Variants in CCDC187 observed in about 807,000 individuals in gnomAD.
CCDC187 encodes the protein coiled-coil domain-containing protein 187.
A neutral mutation model predicts 38.0 loss-of-function variants in CCDC187; 32 were observed. The ratio of observed to expected loss-of-function variants is 0.84; its 90% CI spans 0.64 to 1.13. The LOEUF (loss-of-function observed/expected upper bound fraction) is 1.13. Among genes scored for constraint, CCDC187 ranks in the 50% most tolerant of loss-of-function variants. The probability of loss-of-function intolerance (pLI) is 0.00; values close to 1 mark genes in which losing one functional copy is unlikely to be tolerated. For synonymous variants in CCDC187, 333 were observed against 347.9 expected, an observed-to-expected ratio of 0.96 and a Z score of 0.48; for missense variants, 707 against 786.8, an observed-to-expected ratio of 0.90 and a Z score of 1.21.
At chr9:136,261,475 T>G (rs1830678045) in intron 19 of CCDC187, among the ~76,000 whole-genome samples, 1 of 141,362 alleles carries the variant, frequency 7.1e-6, no homozygotes, top group Non-Finnish European at 1.6e-5. Context: ...CAACCATACA[T>G]GTACCGGCCC....
chr9:136,258,089 G>A lies in CCDC187; in HGVS notation c.4366+843C>T, dbSNP rs542486400. Among the ~76,000 whole-genome samples the A allele has an allele frequency of 6.6e-6, 1 of 152,294 alleles. No homozygotes were observed. The highest frequency in any genetic ancestry group is 2.4e-5 in the African/African-American group (1 of 41,546). ...AGGCTTCAGGCTGAGCAAGCTTCAC[G>A]GTGGCCGCAGAAGCCTGAACAGCGC... On this transcript the variant is annotated intron_variant, in intron 22 of 25. Transcript: ENST00000638797. This position sits in a 1 kb window ranked among gnomAD's most constrained non-coding sequence, Gnocchi z 4.3.
Position 136,260,256 on chromosome 9 carries a change from G to A in CCDC187, c.4073C>T (p.Thr1358Ile). The A allele has an allele frequency of 7.1e-6, 7 of 985,244 alleles. No homozygotes were observed. The highest frequency in any genetic ancestry group is 8.4e-6 in the Non-Finnish European group (7 of 830,052). 61.0% of individuals were successfully genotyped at this position (985,244 alleles called of 1,614,324 possible). A position where few individuals can be genotyped will look rare whatever the true frequency, so the allele number is the denominator to read the frequency against. The change falls in exon 20 of 26, where the codon ACT (threonine) becomes ATT (isoleucine). Residue 1358 changes from threonine (T) to isoleucine (I), a missense_variant. Physicochemically the swap from Thr to Ile is moderately conservative, Grantham distance 89. Coordinates refer to ENST00000638797, the MANE Select transcript of CCDC187 (RefSeq NM_001378188.1). ...PASSKATRPP[T>I]EQQDVTPPQT... ...GGGTGGCGTCACATCCTGCTGCTCAGTGGGAGGGCTGCACGGCCATGCAGA... is the reference window on the plus strand; with the variant it reads ...GGGTGGCGTCACATCCTGCTGCTCAATGGGAGGGCTGCACGGCCATGCAGA...
intron 9 of CCDC187, among the ~76,000 whole-genome samples, chr9:136,285,001 G>A (rs879053082): frequency 0.32 from 47,923 of 151,894 alleles, 7,942 homozygotes; most frequent in Non-Finnish European, 0.36. Flanking sequence ...GGGCTGAGAG[G>A]GGCCTGGGGG....
upstream of CCDC187, among the ~76,000 whole-genome samples, chr9:136,304,879 G>A (rs1317273089): frequency 6.6e-6 from 1 of 152,320 alleles, no homozygotes; most frequent in South Asian, 2.1e-4. Context: ...AGGGAGGTCT[G>A]CGCGAAAGAC....
In CCDC187 at chr9:136,303,101, C is replaced by T. The variant is rs1412932736; in HGVS notation, c.336G>A (p.Ser112=). Residue 112 remains serine (S), a synonymous_variant, in exon 2 of 26, where the codon TCG becomes TCA. Coordinates refer to ENST00000638797, the MANE Select transcript of CCDC187 (RefSeq NM_001378188.1). ...AGCACGAGAGGCGGCCCGATGACAC[C>T]GAGCTGTCCCCATCCCTAGCCTCCG... ...TGPEARDGDS[S]VSSGRLSCSS... 2.3e-5 allele frequency: 9 copies of T among 398,502 alleles called. No homozygotes were observed. Among genetic ancestry groups the T allele is most frequent in the Admixed American group, 8.8e-5 (2 of 22,720 alleles). The allele number at this position is 398,502 out of a possible 1,614,324, so 24.7% of individuals were successfully genotyped here. A position where few individuals can be genotyped will look rare whatever the true frequency, so the allele number is the denominator to read the frequency against.
rs1328791509 is a variant in CCDC187, at chr9:136,286,444, T to G, written c.2474A>C (p.Gln825Pro). 1 of 398,608 alleles carries G rather than the reference T, an allele frequency of 2.5e-6. No homozygotes were observed. The highest frequency in any genetic ancestry group is 2.1e-5 in the African/African-American group (1 of 48,648). 24.7% of individuals were successfully genotyped at this position (398,608 alleles called of 1,614,324 possible). The change falls in exon 8 of 26, where the codon CAG (glutamine) becomes CCG (proline). Residue 825 changes from glutamine (Q) to proline (P), a missense_variant. Physicochemically the swap from Gln to Pro is moderately conservative, Grantham distance 76. Coordinates refer to ENST00000638797, the MANE Select transcript of CCDC187 (RefSeq NM_001378188.1). ...GACTTTGGCTGTGGTCTCTAGCGCC[T>G]GCAGCTGCGCCTGCTTATGCCGGAG... ...LHLRHKQAQL[Q>P]ALETTAKVLK...
At chr9:136,274,157 G>C (rs1830887315) in intron 14 of CCDC187, among the ~76,000 whole-genome samples, 2 of 152,214 alleles carry the variant, frequency 1.3e-5, no homozygotes, top group South Asian at 4.1e-4. Context: ...GTTGTACCCA[G>C]GCTTCCAGGA....
intron 4 of CCDC187, among the ~76,000 whole-genome samples, chr9:136,295,348 CG>C (rs1472879433): frequency 6.6e-6 from 1 of 152,178 alleles, no homozygotes; most frequent in Non-Finnish European, 1.5e-5. Flanking sequence ...GGGTCCCGCT[CG>C]ATAAATGGGT....
At chr9:136,270,711 A>G (rs968921348) in intron 14 of CCDC187, among the ~76,000 whole-genome samples, 24 of 152,176 alleles carry the variant, frequency 1.6e-4, no homozygotes, top group African/African-American at 5.1e-4. Flanking sequence ...CAAGGAAAGG[A>G]GACTCCCTTT....
rs918565701 is a variant in CCDC187 at position 136,274,943 on chromosome 9, G to T, written c.3290C>A (p.Pro1097Gln). Residue 1097 changes from proline to glutamine, a missense_variant, in exon 13 of 26, where the codon CCG (proline) becomes CAG (glutamine). Transcript: ENST00000638797. ...PEEALKLEQP[P>Q]MCKDREPTTA... The stretch of plus-strand genomic sequence containing the variant: ...GGTCGGCTCTCGGTCCTTGCACATC[G>T]GAGGCTGCTCCAGCTTCAACGCCTC... 6.6e-6 allele frequency: 1 copy of T among 152,394 alleles called. No homozygotes were observed. Among genetic ancestry groups the T allele is most frequent in the South Asian group, 2.1e-4 (1 of 4,842 alleles). The allele number at this position is 152,394 out of a possible 1,614,324, so 9.4% of individuals were successfully genotyped here.
rs1385866262 is a variant in CCDC187 at position 136,255,107 on chromosome 9, G to A, written c.4721C>T (p.Ala1574Val). The change falls in exon 26 of 26, where the codon GCG becomes GTG. Residue 1574 changes from alanine to valine, a missense_variant. Transcript: ENST00000638797. ...PAAPVVPEEAAPPILHQGSPL... is the reference protein window; with the variant it reads ...PAAPVVPEEAVPPILHQGSPL... ...ACTGCCCTGGTGCAGGATTGGGGGC[G>A]CCGCCTCCTCAGGGACCACAGGAGC... 3.0e-6 allele frequency: 3 copies of A among 985,326 alleles called. No homozygotes were observed. Among genetic ancestry groups the A allele is most frequent in the Non-Finnish European group, 3.6e-6 (3 of 829,958 alleles). The allele number at this position is 985,326 out of a possible 1,614,324, so 61.0% of individuals were successfully genotyped here. A position where few individuals can be genotyped will look rare whatever the true frequency, so the allele number is the denominator to read the frequency against.
intron 14 of CCDC187, 156 bp from the exon 15 acceptor site, chr9:136,268,281 C>T (rs1191471974): frequency 8.7e-6 from 2 of 228,928 alleles, no homozygotes; most frequent in East Asian, 3.6e-4. Flanking sequence ...GCAGAATCCA[C>T]AAGACCACGC....
At position 136,278,850 on chromosome 9, in the gene CCDC187, T is replaced by C. The variant is rs1764059473; in HGVS notation, c.3041-2123A>G. Reference sequence around the variant, plus strand: ...CCACTCTTCAGTCACACTGGCCACATTTCATGGCTTGACAGCCACATGTGG... The same window carrying C: ...CCACTCTTCAGTCACACTGGCCACACTTCATGGCTTGACAGCCACATGTGG... On this transcript the variant is annotated intron_variant, in intron 10 of 25. Transcript: ENST00000638797. Among the ~76,000 whole-genome samples, 3 of 152,256 alleles carry C rather than the reference T, an allele frequency of 2.0e-5. No homozygotes were observed. The South Asian group carries it at 6.2e-4, about 31-fold the overall frequency.
intron 19 of CCDC187, 113 bp downstream of exon 19, chr9:136,262,198 C>A: frequency 5.6e-5 from 52 of 936,436 alleles, no homozygotes; most frequent in Non-Finnish European, 6.5e-5. Flanking sequence ...ACACGTGCCA[C>A]CCCGGCCCCT....
chr9:136,282,852 G>A (rs1191498436), intron 9 of CCDC187, among the ~76,000 whole-genome samples: 5 of 152,252 alleles, frequency 3.3e-5, no homozygotes, highest in African/African-American at 4.8e-5. Flanking sequence ...CACAGGCCTG[G>A]AGAAGTGTTC....
At chr9:136,306,065 G>A (rs1831800111), upstream of CCDC187, among the ~76,000 whole-genome samples, 3 of 152,338 alleles carry the variant, frequency 2.0e-5, no homozygotes, top group South Asian at 6.2e-4. Flanking sequence ...GCCTGCTGGG[G>A]TACGAGGCTC....
At chr9:136,259,145 G>A (rs1830650362) in intron 21 of CCDC187, 144 bp from the exon 22 acceptor site, 3 of 649,350 alleles carry the variant, frequency 4.6e-6, no homozygotes, top group Admixed American at 6.4e-5. Context: ...GACAGATGGG[G>A]ACAGGCAGGG....
Position 136,286,689 on chromosome 9 carries a change from G to A in CCDC187, c.2229C>T (p.Cys743=), listed in dbSNP as rs1415985366. 9 of 398,638 alleles carry A rather than the reference G, an allele frequency of 2.3e-5. No individual in the cohort carries two copies. Among genetic ancestry groups the A allele is most frequent in the Non-Finnish European group, 4.0e-5 (9 of 226,170 alleles). 24.7% of individuals were successfully genotyped at this position (398,638 alleles called of 1,614,324 possible). A position where few individuals can be genotyped will look rare whatever the true frequency, so the allele number is the denominator to read the frequency against. Reference sequence around the variant, plus strand: ...GGTTCCAGGCTCTGTTCAAACACAGGCAGAAGCTGCAGGAAGAGAGACGTG... The same window carrying A: ...GGTTCCAGGCTCTGTTCAAACACAGACAGAAGCTGCAGGAAGAGAGACGTG... The part of the protein sequence containing the change: ...LGGQEAPGSF[C]LCLNRAWNHA... The change falls in exon 8 of 26, where the codon TGC becomes TGT. Residue 743 remains cysteine (C), a synonymous_variant. Coordinates refer to ENST00000638797, the MANE Select transcript of CCDC187 (RefSeq NM_001378188.1).
intron 20 of CCDC187, 91 bp from the exon 21 acceptor site, chr9:136,259,539 A>T: frequency 1.2e-5 from 6 of 506,390 alleles, no homozygotes; most frequent in Non-Finnish European, 1.5e-5. Flanking sequence ...TGGAGCTGCC[A>T]GGGGGTGGGG....
Sources: allele counts gnomAD v4.1 joint callset (sites outside exome capture counted in the v4.1 genomes callset), GRCh38; gene constraint gnomAD v4.1.1; non-coding constraint Gnocchi (gnomAD v3.1); transcripts MANE v1.5; gene names NCBI Gene and HGNC (gene_info 2026-07-23, HGNC 2026-07-21).